UMAD1: variants seen among roughly 807,000 people sequenced by gnomAD.
UMAD1 encodes the protein UBAP1-MVB12-associated (UMA)-domain containing protein 1.
A neutral mutation model predicts 6.1 loss-of-function variants in UMAD1; 8 were observed. That is an observed-to-expected ratio of 1.30 (90% CI 0.76 to 2.35). The LOEUF (loss-of-function observed/expected upper bound fraction) is 2.35. Among genes scored for constraint, UMAD1 ranks in the 30% most tolerant of loss-of-function variants. The probability of loss-of-function intolerance (pLI) is 0.00; values close to 1 mark genes in which losing one functional copy is unlikely to be tolerated. For synonymous variants in UMAD1, 56 were observed against 31.4 expected (o/e 1.78, Z -2.61); for missense variants, 130 against 78.4 (o/e 1.66, Z -2.49).
intron 2 of UMAD1, among the ~76,000 whole-genome samples, chr7:7,739,401 T>C (rs140906181): frequency 9.2e-5 from 14 of 152,342 alleles, no homozygotes; most frequent in Non-Finnish European, 1.9e-4. Flanking sequence ...GCTCTTTTCA[T>C]GGTACTCTCA....
chr7:7,860,344 T>G (rs1404463734), intron 3 of UMAD1, among the ~76,000 whole-genome samples: 1 of 152,002 alleles, frequency 6.6e-6, no homozygotes, highest in South Asian at 2.1e-4. Context: ...ATGGTTTGTG[T>G]TTCTCTCACT....
intron 2 of UMAD1, among the ~76,000 whole-genome samples, chr7:7,798,118 T>C (rs1782724395): frequency 6.6e-6 from 1 of 152,236 alleles, no homozygotes; most frequent in Non-Finnish European, 1.5e-5. Context: ...TTAGGTTACA[T>C]ATTTTCTATG....
chr7:7,798,894 C>G (rs549191788), intron 2 of UMAD1, among the ~76,000 whole-genome samples: 49 of 152,244 alleles, frequency 3.2e-4, no homozygotes, highest in Non-Finnish European at 5.7e-4. Flanking sequence ...CAACAGTAAT[C>G]AAATCTGATG....
chr7:7,718,473 AG>A (rs1452219411), intron 2 of UMAD1: 3 of 152,160 alleles, frequency 2.0e-5, no homozygotes, highest in South Asian at 2.1e-4. Context: ...GTTATTTTGA[AG>A]GAAAAAACTA....
At chr7:7,839,021 G>A (rs1248465070) in intron 3 of UMAD1, among the ~76,000 whole-genome samples, 2 of 152,186 alleles carry the variant, frequency 1.3e-5, no homozygotes, top group African/African-American at 4.8e-5. Context: ...AGGAATAGAT[G>A]GGAGTGAGAG....
At chr7:7,697,225 G>C (rs1780342332) in intron 2 of UMAD1, among the ~76,000 whole-genome samples, 1 of 152,120 alleles carries the variant, frequency 6.6e-6, no homozygotes. Context: ...CAACAGTCCT[G>C]ATTGGCTTTC....
rs796134652 is a variant in UMAD1, at chr7:7,712,229, G to A, written c.82+38776G>A. On this transcript the variant is annotated intron_variant, in intron 2 of 3. Coordinates refer to ENST00000682710, the MANE Select transcript of UMAD1 (RefSeq NM_001302348.2). The stretch of plus-strand genomic sequence containing the variant: ...AATAAATAAAAAATGAATAACAGAT[G>A]GATAATCACTCAAACCTACCCACTC... Among the ~76,000 whole-genome samples the A allele has an allele frequency of 4.3e-4, 65 of 152,036 alleles. 1 individual carries two copies. The highest frequency in any genetic ancestry group is 1.5e-3 in the African/African-American group (63 of 41,486).
intron 3 of UMAD1, among the ~76,000 whole-genome samples, chr7:7,806,267 T>G (rs6950803): frequency 6.5e-4 from 99 of 151,346 alleles, no homozygotes; most frequent in African/African-American, 2.2e-3. Context: ...ACTTCCCCCC[T>G]CTAAAATCCC....
chr7:7,762,190 C>T (rs1229660803), intron 2 of UMAD1, among the ~76,000 whole-genome samples: 1 of 152,110 alleles, frequency 6.6e-6, no homozygotes, highest in Non-Finnish European at 1.5e-5. Flanking sequence ...GCAGTGGCAA[C>T]ACCAGGAGAA....
Position 7,854,826 on chromosome 7 carries a change from G to C in UMAD1, c.157-22455G>C, listed in dbSNP as rs150627459. Reference sequence around the variant, plus strand: ...AGTCCAAAGTCTAATCTAAAGCAAGGCAAATCCCTTCTGCCTATGAGCCTG... The same window carrying C: ...AGTCCAAAGTCTAATCTAAAGCAAGCCAAATCCCTTCTGCCTATGAGCCTG... On this transcript the variant is annotated intron_variant, in intron 3 of 3. Transcript: ENST00000682710. Among the ~76,000 whole-genome samples, 125 of 152,228 alleles carry C rather than the reference G, an allele frequency of 8.2e-4. 2 individuals carry two copies. In the East Asian group the frequency reaches 0.023, roughly 28 times the overall value.
intron 3 of UMAD1, among the ~76,000 whole-genome samples, chr7:7,803,281 G>T (rs1433736529): frequency 6.6e-6 from 1 of 152,186 alleles, no homozygotes; most frequent in African/African-American, 2.4e-5. Flanking sequence ...TTTGAGACCG[G>T]CCTGGGCAAC....
In UMAD1 at chr7:7,877,868, TTTTCAGTCAC is replaced by T; in HGVS notation, c.*332_*341del. 1.2e-5 allele frequency: 3 copies of T among 251,896 alleles called. No individual in the cohort carries two copies. The highest frequency in any genetic ancestry group is 2.3e-5 in the Non-Finnish European group (3 of 129,954). The allele number at this position is 251,896 out of a possible 1,614,324, so 15.6% of individuals were successfully genotyped here. On this transcript the variant is annotated 3_prime_UTR_variant, in exon 4 of 4. Coordinates refer to ENST00000682710, the MANE Select transcript of UMAD1 (RefSeq NM_001302348.2). ...GAACTGTGAAAAAGAATTGTGGCATTTTTCAGTCACTACAGCTCCGAAGTCTGAGCAAGAA... is the reference window on the plus strand; with the variant it reads ...GAACTGTGAAAAAGAATTGTGGCATTTACAGCTCCGAAGTCTGAGCAAGAA...
At chr7:7,809,674 C>G (rs1027444088) in intron 3 of UMAD1, among the ~76,000 whole-genome samples, 2 of 152,030 alleles carry the variant, frequency 1.3e-5, no homozygotes, top group South Asian at 4.1e-4. Context: ...GACTTTGTCC[C>G]TTTTGATCAG....
chr7:7,670,059 T>G (rs1013729127), intron 1 of UMAD1, among the ~76,000 whole-genome samples: 5 of 152,192 alleles, frequency 3.3e-5, no homozygotes, highest in African/African-American at 1.2e-4. Context: ...ATGTTTTAGG[T>G]CATTAAAAAT....
intron 3 of UMAD1, among the ~76,000 whole-genome samples, chr7:7,868,019 C>T (rs573676002): frequency 2.6e-5 from 4 of 151,854 alleles, no homozygotes; most frequent in African/African-American, 9.7e-5. Context: ...GGAGGCTGGC[C>T]CACCTGCCAG....
intron 3 of UMAD1, among the ~76,000 whole-genome samples, chr7:7,816,686 G>A (rs541513292): frequency 1.3e-5 from 2 of 152,146 alleles, no homozygotes; most frequent in Non-Finnish European, 2.9e-5. Context: ...CAGAAGCCTG[G>A]GAATTATCTT....
At chr7:7,694,635 T>A (rs548235221) in intron 2 of UMAD1, among the ~76,000 whole-genome samples, 6 of 152,218 alleles carry the variant, frequency 3.9e-5, no homozygotes, top group African/African-American at 9.6e-5. Flanking sequence ...TGAGAATATG[T>A]GAAGTTTATC....
At chr7:7,798,498 G>A (rs1004497386) in intron 2 of UMAD1, among the ~76,000 whole-genome samples, 11 of 152,322 alleles carry the variant, frequency 7.2e-5, no homozygotes, top group African/African-American at 2.6e-4. Context: ...TCTTGCATCA[G>A]TCAGAAGTAT....
chr7:7,681,963 A>AC (rs1779923890), intron 2 of UMAD1, among the ~76,000 whole-genome samples: 1 of 152,218 alleles, frequency 6.6e-6, no homozygotes, highest in Non-Finnish European at 1.5e-5. Context: ...ATAACAACAA[A>AC]AAGTAATAGG....
Sources: gnomAD v4.1 joint callset for allele counts (sites outside exome capture counted in the v4.1 genomes callset) on GRCh38, gnomAD v4.1.1 for gene constraint, MANE v1.5 for transcripts, NCBI Gene and HGNC (gene_info 2026-07-23, HGNC 2026-07-21) for gene names.